Variants in STK4 observed in about 807,000 individuals in gnomAD.
STK4 encodes the protein serine/threonine-protein kinase 4.
STK4 carries 30 observed loss-of-function variants against 64.9 expected under a neutral mutation model. The ratio of observed to expected loss-of-function variants is 0.46; its 90% CI spans 0.35 to 0.63. The LOEUF is 0.63. Among genes scored for constraint, STK4 ranks in the 20% least tolerant of loss-of-function variants. STK4 has a pLI of 0.01. For missense variants in STK4, 466 were observed against 598.5 expected (o/e 0.78, Z 2.31); for synonymous variants, 177 against 199.0 (o/e 0.89, Z 0.93).
At chr20:45,048,005 G>C (rs2068722431) in intron 10 of STK4, among the ~76,000 whole-genome samples, 1 of 152,154 alleles carries the variant, frequency 6.6e-6, no homozygotes, top group African/African-American at 2.4e-5. Context: ...CTCTCTCATA[G>C]GGATCATGTG....
At chr20:44,982,341 C>T (rs1340889357) in intron 4 of STK4, among the ~76,000 whole-genome samples, 1 of 150,880 alleles carries the variant, frequency 6.6e-6, no homozygotes, top group Non-Finnish European at 1.5e-5. Context: ...CACTGTGTTG[C>T]CCAGGCTGGT....
At chr20:45,063,616 TTTTG>T (rs1267945176) in intron 10 of STK4, among the ~76,000 whole-genome samples, 1 of 152,184 alleles carries the variant, frequency 6.6e-6, no homozygotes, top group Non-Finnish European at 1.5e-5. Context: ...ATTTGTTGAT[TTTTG>T]TTTTTGTTGC....
intron 10 of STK4, among the ~76,000 whole-genome samples, chr20:45,026,128 G>GGTTTTTTTTTTTTTTTTTTTTT (rs1490924969): frequency 3.9e-5 from 5 of 128,980 alleles, no homozygotes; most frequent in African/African-American, 1.5e-4. Context: ...TTATCCAGTG[G>GGTTTTTTTTTTTTTTTTTTTTT]TTTTTTTTTT....
At chr20:44,975,968 T>C (rs1413730627) in intron 2 of STK4, among the ~76,000 whole-genome samples, 1 of 152,144 alleles carries the variant, frequency 6.6e-6, no homozygotes, top group Admixed American at 6.5e-5. Context: ...GAATTCACAC[T>C]GAAGGAAAAA....
At chr20:45,039,910 A>G (rs920152425) in intron 10 of STK4, among the ~76,000 whole-genome samples, 6 of 152,082 alleles carry the variant, frequency 3.9e-5, no homozygotes, top group African/African-American at 1.4e-4. Flanking sequence ...AGAAAAGTCA[A>G]ATAGTGTCTT....
rs2067546192 is a variant in STK4, at chr20:44,987,276, G to T, written c.505G>T (p.Gly169Trp). Residue 169 changes from glycine to tryptophan, a missense_variant, in exon 5 of 11, where the codon GGG becomes TGG. This residue lies in a region of STK4 where 190 missense variants were observed against 289.7 expected (regional missense o/e 0.66). Transcript: ENST00000372806. ...AGGACATGCAAAACTTGCAGATTTT[G>T]GGGTAGCAGGTCAACTTACAGTAAG... is the stretch of plus-strand genomic sequence containing the variant. ...TEGHAKLADF[G>W]VAGQLTDTMA... 1 of 1,609,224 alleles carries T rather than the reference G, an allele frequency of 6.2e-7. No individual in the cohort carries two copies. The highest frequency in any genetic ancestry group is 8.5e-7 in the Non-Finnish European group (1 of 1,178,546).
At chr20:45,040,282 A>G (rs1033470715) in intron 10 of STK4, among the ~76,000 whole-genome samples, 2 of 152,042 alleles carry the variant, frequency 1.3e-5, no homozygotes, top group African/African-American at 2.4e-5. Context: ...CTCAGGTACA[A>G]TGTATACAGA....
At chr20:44,993,316 C>T (rs1360111575) in intron 5 of STK4, among the ~76,000 whole-genome samples, 1 of 151,852 alleles carries the variant, frequency 6.6e-6, no homozygotes, top group East Asian at 1.9e-4. Context: ...TTTTTTATTG[C>T]TATGCTATTG....
chr20:45,063,024 A>C (rs1979228191), intron 10 of STK4, among the ~76,000 whole-genome samples: 2 of 27,106 alleles, frequency 7.4e-5, no homozygotes, highest in African/African-American at 1.5e-4. Flanking sequence ...TTTTTTGGAC[A>C]CAGGGTCTTG....
intron 10 of STK4, among the ~76,000 whole-genome samples, chr20:45,059,339 G>A (rs973714939): frequency 1.3e-5 from 2 of 152,162 alleles, no homozygotes; most frequent in Non-Finnish European, 2.9e-5. Context: ...TTCACTTAAA[G>A]GAAGCACATC....
At chr20:45,003,060 G>A (rs539281741) in intron 9 of STK4, among the ~76,000 whole-genome samples, 7 of 151,980 alleles carry the variant, frequency 4.6e-5, no homozygotes, top group South Asian at 2.1e-4. Context: ...CCAGGTTAGC[G>A]TACAGTAGGT....
At chr20:45,020,775 G>A (rs1016474618) in intron 9 of STK4, among the ~76,000 whole-genome samples, 3 of 151,626 alleles carry the variant, frequency 2.0e-5, no homozygotes, top group Non-Finnish European at 4.4e-5. Context: ...CATCTAGCAG[G>A]CTCAATCAGG....
At chr20:45,053,121 A>G in intron 10 of STK4, 1 of 1,612,838 alleles carries the variant, frequency 6.2e-7, no homozygotes, top group Non-Finnish European at 8.5e-7. Flanking sequence ...GAAAAGACAT[A>G]TGTATCCAAA....
intron 10 of STK4, among the ~76,000 whole-genome samples, chr20:45,040,828 GTT>G (rs1449313224): frequency 1.3e-5 from 2 of 151,590 alleles, no homozygotes; most frequent in Non-Finnish European, 2.9e-5. Context: ...AATACTACTA[GTT>G]TTTTCCTTAA....
At chr20:45,011,721 ATATATATATTTTTTT>A (rs2068048305) in intron 9 of STK4, among the ~76,000 whole-genome samples, 2 of 105,496 alleles carry the variant, frequency 1.9e-5, no homozygotes, top group Non-Finnish European at 3.9e-5. Flanking sequence ...ATATATATAT[ATATATATATTTTTTT>A]TTTTTTTTTT....
chr20:44,977,477 G>A lies in STK4; in HGVS notation c.117-966G>A, dbSNP rs545252518. On this transcript the variant is annotated intron_variant, in intron 2 of 10. Coordinates refer to ENST00000372806, the MANE Select transcript of STK4 (RefSeq NM_006282.5). ...TATTATTTCACTGACAGCTGCCCAG[G>A]ATTCCAATGAAAATGTTATCTGTAT... Among the ~76,000 whole-genome samples the A allele has an allele frequency of 3.3e-5, 5 of 152,108 alleles. No homozygotes were observed. In the East Asian group the frequency reaches 9.7e-4, roughly 29 times the overall value.
At chr20:45,055,089 C>T (rs1211566070) in intron 10 of STK4, among the ~76,000 whole-genome samples, 1 of 152,212 alleles carries the variant, frequency 6.6e-6, no homozygotes, top group South Asian at 2.1e-4. Context: ...GCTTCTCTTA[C>T]ATGGGGAGGT....
intron 10 of STK4, among the ~76,000 whole-genome samples, chr20:45,070,126 A>G (rs935158974): frequency 1.1e-4 from 16 of 152,228 alleles, no homozygotes; most frequent in African/African-American, 3.9e-4. Flanking sequence ...GATCTGAAAT[A>G]AAGTGTAGCT....
At chr20:45,069,245 G>A (rs541236151) in intron 10 of STK4, among the ~76,000 whole-genome samples, 1 of 152,150 alleles carries the variant, frequency 6.6e-6, no homozygotes, top group Non-Finnish European at 1.5e-5. Context: ...GCTTATTTTA[G>A]TTTCTCCTTC....
Sources: allele counts gnomAD v4.1 joint callset (sites outside exome capture counted in the v4.1 genomes callset), GRCh38; gene constraint gnomAD v4.1.1; regional missense constraint gnomAD v4.1.1; transcripts MANE v1.5; gene names NCBI Gene and HGNC (gene_info 2026-07-23, HGNC 2026-07-21).